GRIA4: variants seen among roughly 807,000 people sequenced by gnomAD.
GRIA4 encodes the protein glutamate receptor 4.
GRIA4 carries 34 observed loss-of-function variants against 104.0 expected under a neutral mutation model. The observed-to-expected ratio is 0.33, with a 90% CI of 0.25 to 0.44. The LOEUF (loss-of-function observed/expected upper bound fraction) is 0.44, where lower values mean the gene tolerates loss of function less well. Ranked by LOEUF, GRIA4 falls within the 20% of genes least tolerant of loss-of-function variation. GRIA4 has a pLI of 1.00. For synonymous variants in GRIA4, 386 were observed against 381.9 expected, an observed-to-expected ratio of 1.01 and a Z score of -0.13; for missense variants, 750 against 1,096.5, an observed-to-expected ratio of 0.68 and a Z score of 4.46.
At position 105,769,866 on chromosome 11, in the gene GRIA4, G is replaced by T. The variant is rs966557883; in HGVS notation, c.487+16646G>T. On this transcript the variant is annotated intron_variant, in intron 4 of 16. Transcript: ENST00000282499. ...TCAAAATAGCCTGGCTTTAGTCAAA[G>T]TTTATCATTTGGATTTGGAGCCAAA... is the stretch of plus-strand genomic sequence containing the variant. 1.4e-4 allele frequency among the ~76,000 whole-genome samples: 22 copies of T among 152,014 alleles called. 1 individual carries two copies. Among genetic ancestry groups the T allele is most frequent in the African/African-American group, 3.9e-4 (16 of 41,424 alleles).
intron 6 of GRIA4, among the ~76,000 whole-genome samples, chr11:105,891,982 C>T (rs937461360): frequency 6.6e-6 from 1 of 151,888 alleles, no homozygotes; most frequent in Non-Finnish European, 1.5e-5. Flanking sequence ...TTTAATTTGG[C>T]CTTGAAAAAG....
intron 3 of GRIA4, among the ~76,000 whole-genome samples, chr11:105,628,285 A>G (rs1030474112): frequency 2.0e-5 from 3 of 152,222 alleles, no homozygotes; most frequent in Non-Finnish European, 4.4e-5. Flanking sequence ...AAACACATAT[A>G]GAGTTCAGAA....
chr11:105,918,406 T>G (rs1326236160), intron 10 of GRIA4, among the ~76,000 whole-genome samples: 1 of 152,132 alleles, frequency 6.6e-6, no homozygotes, highest in African/African-American at 2.4e-5. Context: ...AAGAATATAA[T>G]TTATGCTTCT....
At chr11:105,745,390 T>G (rs917390792) in intron 3 of GRIA4, among the ~76,000 whole-genome samples, 4 of 152,286 alleles carry the variant, frequency 2.6e-5, no homozygotes, top group African/African-American at 9.6e-5. Flanking sequence ...CTTGAGCCAC[T>G]TTGCCAAACC....
chr11:105,708,972 AC>A (rs1190477531), intron 3 of GRIA4, among the ~76,000 whole-genome samples: 1 of 152,118 alleles, frequency 6.6e-6, no homozygotes, highest in Non-Finnish European at 1.5e-5. Context: ...CATTCCAAGA[AC>A]ATTCCAGTAA....
At chr11:105,729,393 A>G (rs1303559615) in intron 3 of GRIA4, among the ~76,000 whole-genome samples, 1 of 152,234 alleles carries the variant, frequency 6.6e-6, no homozygotes, top group African/African-American at 2.4e-5. Context: ...GCCCAGGACC[A>G]GACAGATTCA....
intron 5 of GRIA4, among the ~76,000 whole-genome samples, chr11:105,878,659 C>T (rs556803216): frequency 6.6e-6 from 1 of 152,198 alleles, no homozygotes; most frequent in African/African-American, 2.4e-5. Flanking sequence ...AGTGGCTTTG[C>T]TGGGCTATGG....
chr11:105,946,948 C>A lies in GRIA4; in HGVS notation c.2294+12979C>A, dbSNP rs189693899. Among the ~76,000 whole-genome samples, 1,106 of 152,266 alleles carry A rather than the reference C, an allele frequency of 7.3e-3. 5 individuals are homozygous for A. Among genetic ancestry groups the A allele is most frequent in the Non-Finnish European group, 0.012 (815 of 68,004 alleles). ...GTTACAAACGTGTTTAGAAGCCTTG[C>A]AAATCCTTAAAGTTGGATTGTTAGA... On this transcript the variant is annotated intron_variant, in intron 14 of 16. Coordinates refer to ENST00000282499, the MANE Select transcript of GRIA4 (RefSeq NM_000829.4).
intron 3 of GRIA4, among the ~76,000 whole-genome samples, chr11:105,651,680 A>T (rs1044402173): frequency 2.6e-5 from 4 of 151,868 alleles, no homozygotes; most frequent in African/African-American, 9.7e-5. Flanking sequence ...TATTGTCTCC[A>T]TATCACTGCA....
At chr11:105,969,075 A>G (rs114287848) in intron 14 of GRIA4, among the ~76,000 whole-genome samples, 4,560 of 152,308 alleles carry the variant, frequency 0.03, 204 homozygotes, top group African/African-American at 0.1. Flanking sequence ...ATTATTTTGT[A>G]AGTGTTATTA....
At chr11:105,745,510 G>A (rs951916006) in intron 3 of GRIA4, among the ~76,000 whole-genome samples, 1 of 152,202 alleles carries the variant, frequency 6.6e-6, no homozygotes, top group Admixed American at 6.5e-5. Context: ...TATCTACACC[G>A]ACTAATCCAG....
intron 4 of GRIA4, among the ~76,000 whole-genome samples, chr11:105,853,918 T>C (rs1306582013): frequency 1.3e-5 from 2 of 152,196 alleles, no homozygotes; most frequent in African/African-American, 4.8e-5. Context: ...TATATCAAAC[T>C]AGCATTATAA....
intron 4 of GRIA4, among the ~76,000 whole-genome samples, chr11:105,840,744 A>G (rs1944363085): frequency 6.6e-6 from 1 of 152,210 alleles, no homozygotes; most frequent in Non-Finnish European, 1.5e-5. Context: ...TCACTGACTC[A>G]AAATATGGTG....
intron 5 of GRIA4, among the ~76,000 whole-genome samples, chr11:105,886,424 G>C (rs964817349): frequency 6.6e-5 from 10 of 151,752 alleles, no homozygotes; most frequent in African/African-American, 2.4e-4. Flanking sequence ...CTATAAAACA[G>C]TATGTTTTAT....
chr11:105,792,119 T>C (rs1022055715), intron 4 of GRIA4, among the ~76,000 whole-genome samples: 3 of 152,196 alleles, frequency 2.0e-5, no homozygotes, highest in Admixed American at 1.3e-4. Context: ...TATACTTGTT[T>C]CTTCTCATAG....
At chr11:105,839,060 T>C (rs1944293572) in intron 4 of GRIA4, among the ~76,000 whole-genome samples, 1 of 152,000 alleles carries the variant, frequency 6.6e-6, no homozygotes, top group Non-Finnish European at 1.5e-5. Context: ...TCCACCCCCA[T>C]CCATGCATGC....
intron 3 of GRIA4, among the ~76,000 whole-genome samples, chr11:105,729,570 G>A (rs2135600738): frequency 6.6e-6 from 1 of 152,260 alleles, no homozygotes; most frequent in African/African-American, 2.4e-5. Context: ...GAAAATTTCA[G>A]GCCAATATAC....
intron 3 of GRIA4, among the ~76,000 whole-genome samples, chr11:105,660,893 A>G (rs1211661510): frequency 6.6e-6 from 1 of 151,678 alleles, no homozygotes; most frequent in Non-Finnish European, 1.5e-5. Context: ...TGACTTACTT[A>G]TTTTCAAAGT....
intron 3 of GRIA4, among the ~76,000 whole-genome samples, chr11:105,735,143 A>T (rs966365903): frequency 6.6e-6 from 1 of 152,126 alleles, no homozygotes; most frequent in Non-Finnish European, 1.5e-5. Context: ...CTCAAACATG[A>T]AATATTATTC....
Sources: gnomAD v4.1 joint callset for allele counts (sites outside exome capture counted in the v4.1 genomes callset) on GRCh38, gnomAD v4.1.1 for gene constraint, MANE v1.5 for transcripts, NCBI Gene and HGNC (gene_info 2026-07-23, HGNC 2026-07-21) for gene names.